The following MARCHF3 variants were observed in gnomAD, a reference collection of about 807,000 sequenced individuals.
MARCHF3 encodes the protein E3 ubiquitin-protein ligase MARCHF3.
A neutral mutation model predicts 24.2 loss-of-function variants in MARCHF3; 13 were observed. The observed-to-expected ratio is 0.54, with a 90% CI of 0.35 to 0.85. The LOEUF (loss-of-function observed/expected upper bound fraction) is 0.85, where lower values mean the gene tolerates loss of function less well. Among genes scored for constraint, MARCHF3 ranks in the 40% least tolerant of loss-of-function variants. The pLI is 0.01. For missense variants in MARCHF3, 276 were observed against 325.0 expected, an observed-to-expected ratio of 0.85 and a Z score of 1.16; for synonymous variants, 144 against 137.3, an observed-to-expected ratio of 1.05 and a Z score of -0.34.
intron 4 of MARCHF3, 108 bp from the exon 5 acceptor site, chr5:126,870,899 G>T: frequency 7.0e-7 from 1 of 1,438,128 alleles, no homozygotes; most frequent in Non-Finnish European, 9.4e-7. Flanking sequence ...AGAGCTGGAA[G>T]CACTATGGCA....
intron 1 of MARCHF3, among the ~76,000 whole-genome samples, chr5:126,960,209 AC>A (rs1750592808): frequency 6.6e-6 from 1 of 152,136 alleles, no homozygotes; most frequent in Non-Finnish European, 1.5e-5. Context: ...ATTTCCATAA[AC>A]TAAAAGTTGG....
chr5:126,996,330 A>G (rs1751946605), intron 1 of MARCHF3, among the ~76,000 whole-genome samples: 1 of 152,220 alleles, frequency 6.6e-6, no homozygotes, highest in South Asian at 2.1e-4. Context: ...GGAATCATTA[A>G]GCAGCTTTGA....
intron 1 of MARCHF3, among the ~76,000 whole-genome samples, chr5:126,980,986 C>T (rs1201282618): frequency 6.6e-6 from 1 of 152,196 alleles, no homozygotes. Context: ...TATGTGTATA[C>T]CTTCCTTAAG....
intron 4 of MARCHF3, among the ~76,000 whole-genome samples, chr5:126,877,139 A>C (rs1753187424): frequency 6.6e-6 from 1 of 152,194 alleles, no homozygotes; most frequent in Non-Finnish European, 1.5e-5. Context: ...ACAGAGCTGG[A>C]AGAGCCATAT....
In MARCHF3 at chr5:126,870,575, G is replaced by C. The variant is rs1752931476; in HGVS notation, c.*58C>G. On this transcript the variant is annotated 3_prime_UTR_variant, in exon 5 of 5. Transcript: ENST00000308660. ...GGGGGTCGCTCAGTGCATGACCCCAGTGCAGACACTTCCAAACCCCAAACA... is the reference window on the plus strand; with the variant it reads ...GGGGGTCGCTCAGTGCATGACCCCACTGCAGACACTTCCAAACCCCAAACA... The C allele has an allele frequency of 6.4e-7, 1 of 1,563,476 alleles. No homozygotes were observed. Among genetic ancestry groups the C allele is most frequent in the African/African-American group, 1.4e-5 (1 of 73,816 alleles).
intron 1 of MARCHF3, among the ~76,000 whole-genome samples, chr5:126,983,082 C>T (rs1238552391): frequency 2.6e-5 from 4 of 152,288 alleles, no homozygotes; most frequent in East Asian, 3.9e-4. Context: ...GTCAGCTGTG[C>T]ACTCCTCTGT....
intron 3 of MARCHF3, among the ~76,000 whole-genome samples, chr5:126,888,589 A>C (rs1173208317): frequency 6.6e-6 from 1 of 152,246 alleles, no homozygotes; most frequent in Admixed American, 6.5e-5. Flanking sequence ...TGCTTATCTG[A>C]AATATGAGAA....
At chr5:127,006,948 G>A (rs1312800243) in intron 1 of MARCHF3, among the ~76,000 whole-genome samples, 3 of 151,926 alleles carry the variant, frequency 2.0e-5, no homozygotes, top group South Asian at 4.2e-4. Context: ...CCTGGAATCC[G>A]TCTCAAGGAA....
At chr5:126,966,806 G>A (rs958317970) in intron 1 of MARCHF3, among the ~76,000 whole-genome samples, 6 of 151,244 alleles carry the variant, frequency 4.0e-5, no homozygotes, top group Non-Finnish European at 8.8e-5. Context: ...CGGCACAGAG[G>A]CTGTTTGCTT....
In MARCHF3 at chr5:126,971,448, CAAAAAAAAAAAAA is replaced by C. The variant is rs60881844; in HGVS notation, c.-56-53234_-56-53222del. The stretch of plus-strand genomic sequence containing the variant: ...TGGGTGACAGAGCGAGACTCTGTCT[CAAAAAAAAAAAAA>C]AAAAAAGAAAAGAAAAAACAAATGT... On this transcript the variant is annotated intron_variant, in intron 1 of 4. Coordinates refer to ENST00000308660, the MANE Select transcript of MARCHF3 (RefSeq NM_178450.5). Among the ~76,000 whole-genome samples, 17 of 89,754 alleles carry C rather than the reference CAAAAAAAAAAAAA, an allele frequency of 1.9e-4. No homozygotes were observed. In the South Asian group the frequency reaches 5.3e-3, roughly 28 times the overall value. 58.9% of individuals were successfully genotyped at this position (89,754 alleles called of 152,430 possible).
chr5:126,871,578 T>TTGCA (rs1752967227), intron 4 of MARCHF3, among the ~76,000 whole-genome samples: 1 of 152,240 alleles, frequency 6.6e-6, no homozygotes. Flanking sequence ...GTGTTCATCT[T>TTGCA]TGCATGCCCA....
At chr5:126,892,961 T>C (rs1247088447) in intron 3 of MARCHF3, among the ~76,000 whole-genome samples, 1 of 151,820 alleles carries the variant, frequency 6.6e-6, no homozygotes, top group Non-Finnish European at 1.5e-5. Flanking sequence ...TTGCCACAAT[T>C]TCAGATCCTG....
intron 1 of MARCHF3, among the ~76,000 whole-genome samples, chr5:126,935,830 C>T (rs148803888): frequency 0.02 from 3,077 of 151,906 alleles, 72 homozygotes; most frequent in South Asian, 0.11. Context: ...AGGCTAGTCT[C>T]GAATTCCTGA....
intron 1 of MARCHF3, among the ~76,000 whole-genome samples, chr5:126,989,253 T>C (rs1316528803): frequency 6.6e-6 from 1 of 151,872 alleles, no homozygotes; most frequent in Non-Finnish European, 1.5e-5. Context: ...CACTTCAGCC[T>C]GGGTGACAGA....
At chr5:126,927,802 T>G (rs1324024528) in intron 1 of MARCHF3, among the ~76,000 whole-genome samples, 3 of 144,434 alleles carry the variant, frequency 2.1e-5, no homozygotes, top group Admixed American at 1.4e-4. Context: ...TGTTTGTTTG[T>G]TTTTTTTTGT....
rs1321076481 is a variant in MARCHF3 at position 126,868,697 on chromosome 5, A to G, written c.*1936T>C. 2.0e-5 allele frequency: 3 copies of G among 152,226 alleles called. No homozygotes were observed. The highest frequency in any genetic ancestry group is 4.8e-5 in the African/African-American group (2 of 41,440). The allele number at this position is 152,226 out of a possible 1,614,324, so 9.4% of individuals were successfully genotyped here. On this transcript the variant is annotated 3_prime_UTR_variant, in exon 5 of 5. Coordinates refer to ENST00000308660, the MANE Select transcript of MARCHF3 (RefSeq NM_178450.5). ...TCATGAATGTTGTGCCATTCAGTTG[A>G]GACGTGTCACGGGTTCACCTGACAG... is the stretch of plus-strand genomic sequence containing the variant.
At chr5:126,939,404 C>T (rs1749753214) in intron 1 of MARCHF3, among the ~76,000 whole-genome samples, 1 of 152,194 alleles carries the variant, frequency 6.6e-6, no homozygotes, top group South Asian at 2.1e-4. Context: ...ACCGTGGCTA[C>T]TACCTGTTCT....
intron 3 of MARCHF3, among the ~76,000 whole-genome samples, chr5:126,894,849 G>T (rs1346685495): frequency 2.6e-5 from 4 of 151,584 alleles, no homozygotes; most frequent in East Asian, 3.9e-4. Flanking sequence ...GAATCTGAAC[G>T]TTGGCCTGCC....
intron 3 of MARCHF3, among the ~76,000 whole-genome samples, chr5:126,896,713 G>A (rs929086402): frequency 2.0e-5 from 3 of 152,104 alleles, no homozygotes; most frequent in African/African-American, 7.2e-5. Context: ...ATGCAGTGAA[G>A]TGTTGAGACC....
Sources: allele counts gnomAD v4.1 joint callset (sites outside exome capture counted in the v4.1 genomes callset), GRCh38; gene constraint gnomAD v4.1.1; transcripts MANE v1.5; gene names NCBI Gene and HGNC (gene_info 2026-07-23, HGNC 2026-07-21).